PRMT7: variants seen among roughly 807,000 people sequenced by gnomAD.
The protein encoded by PRMT7 is protein arginine methyltransferase 7.
In PRMT7, 75 loss-of-function variants were observed where a neutral mutation model predicts 85.4. That is an observed-to-expected ratio of 0.88 (90% confidence interval 0.73 to 1.06). PRMT7 has a LOEUF of 1.06. PRMT7 is among the 50% of genes least tolerant of loss of function. The pLI, the probability that PRMT7 is intolerant of heterozygous loss-of-function variation, is 0.00. For synonymous variants in PRMT7, 397 were observed against 359.5 expected (o/e 1.10, Z -1.18); for missense variants, 868 against 915.2 (o/e 0.95, Z 0.67).
chr16:68,355,778 A>G lies in PRMT7; in HGVS notation c.1706A>G (p.Tyr569Cys), dbSNP rs764757395. 1.9e-6 allele frequency: 3 copies of G among 1,610,836 alleles called. No individual in the cohort carries two copies. The South Asian group carries it at 3.3e-5, about 18-fold the overall frequency. ...REAEPHPLWEYPCRSLSEPWQ... is the reference protein window; with the variant it reads ...REAEPHPLWECPCRSLSEPWQ... ...GCTGAGCCCCACCCGCTGTGGGAGT[A>G]CCCATGCCGCAGCCTCTCCGAGCCC... is the stretch of plus-strand genomic sequence containing the variant. Residue 569 changes from tyrosine to cysteine, a missense_variant, in exon 17 of 19, where the codon TAC (tyrosine) becomes TGC (cysteine). Physicochemically the swap from Tyr to Cys is radical, Grantham distance 194 (BLOSUM62 -2). Coordinates refer to ENST00000441236, the MANE Select transcript of PRMT7 (RefSeq NM_019023.5).
intron 14 of PRMT7, among the ~76,000 whole-genome samples, chr16:68,348,848 A>C (rs907061445): frequency 6.6e-5 from 10 of 151,802 alleles, no homozygotes; most frequent in Non-Finnish European, 1.3e-4. Flanking sequence ...CATGTGGCCC[A>C]GGCTGGTCTT....
chr16:68,314,294 G>C (rs933770099), intron 2 of PRMT7, among the ~76,000 whole-genome samples: 1 of 152,158 alleles, frequency 6.6e-6, no homozygotes, highest in African/African-American at 2.4e-5. Flanking sequence ...GCAGTGGTGC[G>C]GTCTCAGCTC....
chr16:68,319,667 A>C (rs954183838), intron 3 of PRMT7, among the ~76,000 whole-genome samples: 5 of 150,668 alleles, frequency 3.3e-5, no homozygotes, highest in Non-Finnish European at 7.4e-5. Flanking sequence ...CCTGTGGCAC[A>C]ATTGCCTGGA....
chr16:68,345,823 G>C, intron 10 of PRMT7, 21 bp downstream of exon 10: 3 of 1,613,560 alleles, frequency 1.9e-6, no homozygotes, highest in Non-Finnish European at 2.5e-6. Context: ...CCTCGTGGGG[G>C]TGGAGGATGA....
intron 9 of PRMT7, among the ~76,000 whole-genome samples, chr16:68,341,660 G>A (rs1008044647): frequency 2.6e-5 from 4 of 152,088 alleles, no homozygotes; most frequent in African/African-American, 9.7e-5. Flanking sequence ...CTGCCCCACC[G>A]GCCTCCCAAA....
intron 3 of PRMT7, 41 bp from the exon 4 acceptor site, chr16:68,321,385 A>G (rs566743188): frequency 5.9e-6 from 9 of 1,513,684 alleles, no homozygotes; most frequent in Non-Finnish European, 8.2e-6. Context: ...TTGTGTGTTG[A>G]TGTGTATCAT....
chr16:68,336,809 G>C (rs1386826759), intron 6 of PRMT7, among the ~76,000 whole-genome samples: 1 of 152,144 alleles, frequency 6.6e-6, no homozygotes, highest in Non-Finnish European at 1.5e-5. Flanking sequence ...CTGGAGTACA[G>C]TGGCACAATT....
chr16:68,335,762 C>T (rs925511941), intron 6 of PRMT7, among the ~76,000 whole-genome samples: 2 of 151,420 alleles, frequency 1.3e-5, no homozygotes. Context: ...TTGTGCTCTT[C>T]TATCAGCTGC....
rs2087735079 is a variant in PRMT7 at position 68,353,478 on chromosome 16, C to T, written c.1576-14C>T. ...TGGCGGGCGGGTGTGGACGGGGCTG[C>T]TCCTTCCTCACAGGACCTGTGGCGG... On this transcript the variant is annotated splice_polypyrimidine_tract_variant and intron_variant, in intron 15 of 18. Transcript: ENST00000441236. The T allele has an allele frequency of 4.3e-6, 7 of 1,610,124 alleles. No homozygotes were observed. Among genetic ancestry groups the T allele is most frequent in the Non-Finnish European group, 5.9e-6 (7 of 1,178,658 alleles).
Position 68,353,366 on chromosome 16 carries a change from G to T in PRMT7, c.1576-126G>T, listed in dbSNP as rs538955211. The T allele has an allele frequency of 1.2e-4, 188 of 1,526,108 alleles. 6 individuals carry two copies. The South Asian group carries it at 2.1e-3, about 17-fold the overall frequency. 94.5% of individuals were successfully genotyped at this position (1,526,108 alleles called of 1,614,324 possible). A position where few individuals can be genotyped will look rare whatever the true frequency, so the allele number is the denominator to read the frequency against. On this transcript the variant is annotated intron_variant, in intron 15 of 18. Transcript: ENST00000441236. ...CGTTGTGGATCTTTGTTCTCTCTGA[G>T]CCCCTTCATACTTGGGGGTCTCTTT...
intron 9 of PRMT7, among the ~76,000 whole-genome samples, chr16:68,341,743 A>AGG (rs1246870631): frequency 1.3e-5 from 2 of 152,222 alleles, no homozygotes; most frequent in East Asian, 3.9e-4. Flanking sequence ...TTGGCAGGCG[A>AGG]GGGAGTCCAC....
chr16:68,359,198 G>A (rs1399898676), downstream of PRMT7: 2 of 152,352 alleles, frequency 1.3e-5, no homozygotes, highest in Non-Finnish European at 2.9e-5. Flanking sequence ...CAGGCGGCTC[G>A]GGGTCTAGGG....
intron 4 of PRMT7, chr16:68,323,685 G>A (rs992730987): frequency 6.6e-6 from 1 of 152,080 alleles, no homozygotes; most frequent in African/African-American, 2.4e-5. Flanking sequence ...TGTGGTCAGA[G>A]GATATCACCC....
At chr16:68,350,774 T>G (rs1365154706) in intron 14 of PRMT7, among the ~76,000 whole-genome samples, 1 of 152,238 alleles carries the variant, frequency 6.6e-6, no homozygotes, top group Non-Finnish European at 1.5e-5. Flanking sequence ...CCTTTCTGTC[T>G]TTAGCTTGCC....
At chr16:68,330,948 A>G (rs1597267553) in intron 6 of PRMT7, among the ~76,000 whole-genome samples, 1 of 152,272 alleles carries the variant, frequency 6.6e-6, no homozygotes, top group Non-Finnish European at 1.5e-5. Context: ...TTCCATTTAC[A>G]ATCAACGTTA....
intron 15 of PRMT7, chr16:68,353,262 G>A (rs553072518): frequency 3.8e-5 from 32 of 832,094 alleles, no homozygotes; most frequent in South Asian, 3.6e-4. Context: ...AGCTCTGGCC[G>A]ACTGTCCCTT....
chr16:68,352,544 A>C (rs2087570167), intron 15 of PRMT7, 135 bp downstream of exon 15: 1 of 833,288 alleles, frequency 1.2e-6, no homozygotes, highest in Non-Finnish European at 1.8e-6. Context: ...TTTCTGTGTC[A>C]GCACACTGTG....
intron 4 of PRMT7, chr16:68,322,472 A>T (rs914839794): frequency 2.3e-5 from 10 of 439,918 alleles, no homozygotes; most frequent in African/African-American, 2.0e-4. Flanking sequence ...TGCTGGGATT[A>T]TGGGCATGAG....
chr16:68,339,544 G>C lies in PRMT7; in HGVS notation c.727G>C (p.Asp243His). ...ACCAGCCGACTTTACAGTCCTCAGC[G>C]ATGTGCTGCCCATGTTCAGGTACCA... ...VSPADFTVLS[D>H]VLPMFSIDFS... The change falls in exon 8 of 19, where the codon GAT (aspartate) becomes CAT (histidine). Residue 243 changes from aspartate to histidine, a missense_variant. Coordinates refer to ENST00000441236, the MANE Select transcript of PRMT7 (RefSeq NM_019023.5). 6.2e-7 allele frequency: 1 copy of C among 1,613,824 alleles called. No individual in the cohort carries two copies. Among genetic ancestry groups the C allele is most frequent in the Non-Finnish European group, 8.5e-7 (1 of 1,180,008 alleles).
Sources: allele counts gnomAD v4.1 joint callset (sites outside exome capture counted in the v4.1 genomes callset), GRCh38; gene constraint gnomAD v4.1.1; transcripts MANE v1.5; gene names NCBI Gene and HGNC (gene_info 2026-07-23, HGNC 2026-07-21).